LANCL2: variants seen among roughly 807,000 people sequenced by gnomAD.
The protein encoded by LANCL2 is LanC like glutathione S-transferase 2.
Under a neutral mutation model 56.9 loss-of-function variants are expected in LANCL2, and 33 were observed. That is an observed-to-expected ratio of 0.58 (90% CI 0.44 to 0.78). The LOEUF (loss-of-function observed/expected upper bound fraction) is 0.78. Among genes scored for constraint, LANCL2 ranks in the 30% least tolerant of loss-of-function variants. The pLI is 0.00. For synonymous variants in LANCL2, 233 were observed against 228.2 expected (o/e 1.02, Z -0.19); for missense variants, 562 against 580.2 (o/e 0.97, Z 0.32).
At chr7:55,371,559 C>T (rs537865814) in intron 1 of LANCL2, among the ~76,000 whole-genome samples, 1 of 152,062 alleles carries the variant, frequency 6.6e-6, no homozygotes, top group South Asian at 2.1e-4. Flanking sequence ...TTGTTTATTT[C>T]TGCTTTTGTG....
In LANCL2 at chr7:55,366,202, C is replaced by T. The variant is rs1789864062; in HGVS notation, c.177C>T (p.Pro59=). 6.5e-7 allele frequency: 1 copy of T among 1,541,900 alleles called. No homozygotes were observed. The highest frequency in any genetic ancestry group is 8.8e-7 in the Non-Finnish European group (1 of 1,140,676). The change falls in exon 1 of 9, where the codon CCC becomes CCT. Residue 59 remains proline (P), a synonymous_variant. Coordinates refer to ENST00000254770, the MANE Select transcript of LANCL2 (RefSeq NM_018697.4). ...GTCCCCCGGCGACCACGGATGAGCC[C>T]GGCCTCCCTTTTCATCAGGACGGGA... ...CVRPPATTDE[P]GLPFHQDGKI...
intron 6 of LANCL2, among the ~76,000 whole-genome samples, chr7:55,414,715 C>T (rs996593445): frequency 1.3e-5 from 2 of 152,016 alleles, no homozygotes; most frequent in East Asian, 1.9e-4. Flanking sequence ...CACTGTGGCT[C>T]ACACCTGTAA....
chr7:55,396,491 G>A (rs992291314), intron 2 of LANCL2, among the ~76,000 whole-genome samples: 4 of 152,246 alleles, frequency 2.6e-5, no homozygotes, highest in Middle Eastern at 3.2e-3. Flanking sequence ...ATCAGCTGCA[G>A]CTTCTGCTGG....
chr7:55,390,565 C>G (rs1790175629), intron 1 of LANCL2, among the ~76,000 whole-genome samples: 1 of 152,106 alleles, frequency 6.6e-6, no homozygotes, highest in African/African-American at 2.4e-5. Context: ...AAGATCGCAC[C>G]ATTGCACTCC....
chr7:55,365,829 T>G lies in LANCL2; in HGVS notation c.-197T>G, dbSNP rs1789853205. On this transcript the variant is annotated 5_prime_UTR_variant, in exon 1 of 9. Transcript: ENST00000254770. ...GGGCAGAGGCACAGCGCCCACCGCC[T>G]CTGCGGCCGCCTGATGTGCGAGCAG... 2.2e-6 allele frequency: 1 copy of G among 453,758 alleles called. No homozygotes were observed. The highest frequency in any genetic ancestry group is 3.6e-5 in the East Asian group (1 of 28,028). 28.1% of individuals were successfully genotyped at this position (453,758 alleles called of 1,614,324 possible).
intron 5 of LANCL2, among the ~76,000 whole-genome samples, chr7:55,407,674 G>T (rs1039580278): frequency 1.3e-5 from 2 of 152,236 alleles, no homozygotes; most frequent in African/African-American, 4.8e-5. Flanking sequence ...GGACCCCCAG[G>T]CAAGAGAGGA....
At chr7:55,369,514 T>C (rs1789913695) in intron 1 of LANCL2, among the ~76,000 whole-genome samples, 1 of 152,192 alleles carries the variant, frequency 6.6e-6, no homozygotes, top group Non-Finnish European at 1.5e-5. Context: ...GGGCCAATAT[T>C]ATGAAAAGCA....
In LANCL2 at chr7:55,366,130, C is replaced by T. The variant is rs1246399049; in HGVS notation, c.105C>T (p.Ala35=). 6.5e-7 allele frequency: 1 copy of T among 1,547,018 alleles called. No individual in the cohort carries two copies. The highest frequency in any genetic ancestry group is 2.4e-5 in the East Asian group (1 of 40,946). Residue 35 remains alanine, a synonymous_variant, in exon 1 of 9, where the codon GCC becomes GCT. Coordinates refer to ENST00000254770, the MANE Select transcript of LANCL2 (RefSeq NM_018697.4). ...VNPFPDYEAA[A]GALLASGAAE... is the part of the protein sequence containing the mutation. ...CCTTCCCGGACTACGAGGCCGCCGC[C>T]GGGGCGCTGCTCGCCTCCGGAGCGG...
rs748528049 is a variant in LANCL2, at chr7:55,400,114, G to A, written c.678+10G>A. On this transcript the variant is annotated intron_variant, in intron 4 of 8. Transcript: ENST00000254770. Reference sequence around the variant, plus strand: ...GTCAGCTATTAAAGAGGTACTATGGGGTATGGGTAACTATGGGCGTCTCTA... The same window carrying A: ...GTCAGCTATTAAAGAGGTACTATGGAGTATGGGTAACTATGGGCGTCTCTA... 2 of 1,573,654 alleles carry A rather than the reference G, an allele frequency of 1.3e-6. No individual in the cohort carries two copies. The highest frequency in any genetic ancestry group is 1.2e-5 in the South Asian group (1 of 84,506).
At chr7:55,427,370 T>A (rs764071089) in intron 7 of LANCL2, among the ~76,000 whole-genome samples, 2 of 152,194 alleles carry the variant, frequency 1.3e-5, no homozygotes, top group African/African-American at 2.4e-5. Flanking sequence ...ATATTCAGAC[T>A]CCTCTTTTGG....
At chr7:55,372,117 G>A (rs1583740073) in intron 1 of LANCL2, among the ~76,000 whole-genome samples, 2 of 152,170 alleles carry the variant, frequency 1.3e-5, no homozygotes, top group East Asian at 1.9e-4. Flanking sequence ...GAGGAAAACT[G>A]TTCTACATGT....
At chr7:55,370,947 A>G (rs946312203) in intron 1 of LANCL2, among the ~76,000 whole-genome samples, 3 of 152,278 alleles carry the variant, frequency 2.0e-5, no homozygotes, top group Non-Finnish European at 2.9e-5. Context: ...TATGTGATAC[A>G]TATAGGTAGT....
At chr7:55,380,543 T>A (rs1790055021) in intron 1 of LANCL2, among the ~76,000 whole-genome samples, 1 of 152,142 alleles carries the variant, frequency 6.6e-6, no homozygotes, top group African/African-American at 2.4e-5. Context: ...AAGCAACTAC[T>A]CAAAGGCACT....
In LANCL2 at chr7:55,393,052, C is replaced by T. The variant is rs184265148; in HGVS notation, c.322+1142C>T. Among the ~76,000 whole-genome samples the T allele has an allele frequency of 4.6e-5, 7 of 152,200 alleles. No homozygotes were observed. In the East Asian group the frequency reaches 9.6e-4, roughly 21 times the overall value. On this transcript the variant is annotated intron_variant, in intron 2 of 8. Transcript: ENST00000254770. ...AAAATGTAATTGAAAAATTAACTTGCCTTAACTAATCTTTGCATTCTTATT... is the reference window on the plus strand; with the variant it reads ...AAAATGTAATTGAAAAATTAACTTGTCTTAACTAATCTTTGCATTCTTATT...
intron 5 of LANCL2, among the ~76,000 whole-genome samples, chr7:55,408,854 C>T (rs1457061609): frequency 3.3e-5 from 5 of 150,546 alleles, no homozygotes; most frequent in African/African-American, 2.4e-5. Context: ...TAGTGGCATG[C>T]GCCTGTAGTC....
Position 55,404,648 on chromosome 7 carries a change from T to C in LANCL2, c.825+3328T>C, listed in dbSNP as rs539055369. ...TTTTTTTTTGAGATGGAATCTTGCT[T>C]TGTCGCCCAGGCTGGAGTGCAGTGG... On this transcript the variant is annotated intron_variant, in intron 5 of 8. Coordinates refer to ENST00000254770, the MANE Select transcript of LANCL2 (RefSeq NM_018697.4). 1.3e-5 allele frequency among the ~76,000 whole-genome samples: 2 copies of C among 152,168 alleles called. 1 individual carries two copies. Among genetic ancestry groups the C allele is most frequent in the South Asian group, 4.2e-4 (2 of 4,814 alleles).
At chr7:55,402,535 G>C (rs1268406844) in intron 5 of LANCL2, among the ~76,000 whole-genome samples, 2 of 142,830 alleles carry the variant, frequency 1.4e-5, no homozygotes, top group East Asian at 4.2e-4. Flanking sequence ...CGGATGGGGC[G>C]GCTTGCCGGG....
At chr7:55,390,372 G>C (rs552016122) in intron 1 of LANCL2, among the ~76,000 whole-genome samples, 4 of 152,172 alleles carry the variant, frequency 2.6e-5, no homozygotes, top group Non-Finnish European at 2.9e-5. Flanking sequence ...TTGAGAGGCC[G>C]AGGTGGGTGG....
chr7:55,370,190 C>G (rs1789927408), intron 1 of LANCL2, among the ~76,000 whole-genome samples: 1 of 152,178 alleles, frequency 6.6e-6, no homozygotes, highest in South Asian at 2.1e-4. Context: ...GCTTCAGTGT[C>G]TAACCACATG....
Sources: gnomAD v4.1 joint callset for allele counts (sites outside exome capture counted in the v4.1 genomes callset) on GRCh38, gnomAD v4.1.1 for gene constraint, MANE v1.5 for transcripts, NCBI Gene and HGNC (gene_info 2026-07-23, HGNC 2026-07-21) for gene names.